Variants in TAF7L observed in about 807,000 individuals in gnomAD.
TAF7L encodes TATA-box binding protein associated factor 7 like.
TAF7L carries 6 observed loss-of-function variants against 30.2 expected under a neutral mutation model. The ratio of observed to expected loss-of-function variants is 0.20; its 90% CI spans 0.11 to 0.39. TAF7L has a LOEUF of 0.39. Ranked by LOEUF, TAF7L falls within the 10% of genes least tolerant of loss-of-function variation. The pLI is 1.00. For synonymous variants in TAF7L, 93 were observed against 94.5 expected, an observed-to-expected ratio of 0.98 and a Z score of 0.09; for missense variants, 284 against 277.1, an observed-to-expected ratio of 1.03 and a Z score of -0.18.
At chrX:101,285,540 C>T (rs1386034497) in intron 3 of TAF7L, among the ~76,000 whole-genome samples, 1 of 103,970 alleles carries the variant, frequency 9.6e-6, no homozygotes, top group East Asian at 3.0e-4. Flanking sequence ...ATTTACATTA[C>T]CACCAATAGG....
chrX:101,285,280 G>T (rs1471362953), intron 3 of TAF7L, among the ~76,000 whole-genome samples: 3 of 110,182 alleles, frequency 2.7e-5, no homozygotes, highest in African/African-American at 9.9e-5. Flanking sequence ...TGGATCACTC[G>T]AGGTCAGGAG....
chrX:101,281,927 C>T, intron 5 of TAF7L, 152 bp from the exon 6 acceptor site: 1 of 507,435 alleles, frequency 2.0e-6, no homozygotes, highest in Non-Finnish European at 3.2e-6. Context: ...ACTCTGTTGC[C>T]CAGGCTGGAG....
chrX:101,292,885 C>T (rs765366825), upstream of TAF7L: 4 of 1,211,330 alleles, frequency 3.3e-6, no homozygotes, highest in South Asian at 3.5e-5. Context: ...AATCTGGGTG[C>T]CTTCGTCGCC....
chrX:101,280,127 T>C (rs73556834), intron 6 of TAF7L, among the ~76,000 whole-genome samples: 1 of 109,349 alleles, frequency 9.1e-6, no homozygotes, highest in African/African-American at 3.3e-5. Flanking sequence ...AAAAGCAAGA[T>C]CGTTTTCAAA....
At chrX:101,290,348 T>C (rs1924754090) in intron 1 of TAF7L, among the ~76,000 whole-genome samples, 1 of 112,007 alleles carries the variant, frequency 8.9e-6, no homozygotes, top group African/African-American at 3.2e-5. Flanking sequence ...CATATATAAA[T>C]ACAAAAGAGA....
In TAF7L at chrX:101,268,338, A is replaced by G. The variant is rs1265114777; in HGVS notation, c.*855T>C. 3.6e-5 allele frequency: 4 copies of G among 112,265 alleles called. No individual in the cohort carries two copies. The highest frequency in any genetic ancestry group is 5.6e-5 in the Non-Finnish European group (3 of 53,307). The allele number at this position is 112,265 out of a possible 1,213,427, so 9.3% of individuals were successfully genotyped here. A position where few individuals can be genotyped will look rare whatever the true frequency, so the allele number is the denominator to read the frequency against. On this transcript the variant is annotated 3_prime_UTR_variant, in exon 13 of 13. Coordinates refer to ENST00000356784, the MANE Select transcript of TAF7L (RefSeq NM_001168474.2). ...ATATACCTAGAAAAAAACCCAAACAAGATTGTTAAAGAAGTCTTCATAGGC... is the reference window on the plus strand; with the variant it reads ...ATATACCTAGAAAAAAACCCAAACAGGATTGTTAAAGAAGTCTTCATAGGC...
chrX:101,287,299 A>C (rs990647359), intron 2 of TAF7L, among the ~76,000 whole-genome samples, 179 bp downstream of exon 2: 6 of 111,375 alleles, frequency 5.4e-5, no homozygotes, highest in African/African-American at 2.0e-4. Flanking sequence ...AGGAGGAAAA[A>C]ATGCTGCCAA....
At chrX:101,292,781 A>C (rs764522727), upstream of TAF7L, 13 of 1,198,056 alleles carry the variant, frequency 1.1e-5, no homozygotes, top group South Asian at 2.2e-4. Flanking sequence ...AGCTTAAAAA[A>C]CCACCTACCT....
At chrX:101,274,485 G>A (rs186231994) in intron 12 of TAF7L, among the ~76,000 whole-genome samples, 1 of 111,492 alleles carries the variant, frequency 9.0e-6, no homozygotes, top group African/African-American at 3.3e-5. Context: ...GGGGTTACAT[G>A]CATGAGCCAC....
At chrX:101,284,936 A>G (rs989872525) in intron 3 of TAF7L, among the ~76,000 whole-genome samples, 10 of 111,423 alleles carry the variant, frequency 9.0e-5, no homozygotes, top group Non-Finnish European at 1.9e-4. Context: ...AGATTCATCC[A>G]TGGTGTCCCA....
In TAF7L at chrX:101,269,145, A is replaced by G. The variant is rs758339745; in HGVS notation, c.*48T>C. 7.9e-6 allele frequency: 9 copies of G among 1,136,653 alleles called. No homozygotes were observed. Among genetic ancestry groups the G allele is most frequent in the Non-Finnish European group, 8.4e-6 (7 of 832,131 alleles). 93.7% of individuals were successfully genotyped at this position (1,136,653 alleles called of 1,213,427 possible). A position where few individuals can be genotyped will look rare whatever the true frequency, so the allele number is the denominator to read the frequency against. On this transcript the variant is annotated 3_prime_UTR_variant, in exon 13 of 13. Transcript: ENST00000356784. ...ACGTGCACAGTTTCATCCAATCTGCAGTCTGGATGGTGAATCCAAGGTTTG... is the reference window on the plus strand; with the variant it reads ...ACGTGCACAGTTTCATCCAATCTGCGGTCTGGATGGTGAATCCAAGGTTTG...
At chrX:101,273,748 C>T (rs1924060577) in intron 12 of TAF7L, among the ~76,000 whole-genome samples, 1 of 111,610 alleles carries the variant, frequency 9.0e-6, no homozygotes, top group South Asian at 3.7e-4. Context: ...AAGCCATTCT[C>T]TTCCTGGCTT....
intron 3 of TAF7L, among the ~76,000 whole-genome samples, chrX:101,285,521 G>T (rs1185684087): frequency 6.8e-5 from 7 of 102,981 alleles, no homozygotes; most frequent in Non-Finnish European, 1.4e-4. Context: ...AAAAAAAAAG[G>T]CTGTATTAAT....
At chrX:101,275,046 A>G (rs899413130) in intron 12 of TAF7L, among the ~76,000 whole-genome samples, 176 bp downstream of exon 12, 2 of 111,589 alleles carry the variant, frequency 1.8e-5, no homozygotes, top group African/African-American at 6.5e-5. Context: ...TAGGCATTCA[A>G]TATCTGTTGA....
At position 101,277,631 on chromosome X, in the gene TAF7L, G is replaced by C; in HGVS notation, c.666C>G (p.Ser222Arg). ...PGFLISSGMS[S>R]HKQGHTSSEY... ...CTGACGAGGTATGACCCTGCTTGTG[G>C]CTGCTCATTCCCGAGGATATCAAAA... Residue 222 changes from serine to arginine, a missense_variant, in exon 9 of 13, where the codon AGC (serine) becomes AGG (arginine). Ser to Arg is a moderately radical substitution (Grantham distance 110). Coordinates refer to ENST00000356784, the MANE Select transcript of TAF7L (RefSeq NM_001168474.2). 1.7e-6 allele frequency: 2 copies of C among 1,196,571 alleles called. No homozygotes were observed. The highest frequency in any genetic ancestry group is 4.6e-5 in the Admixed American group (2 of 43,443).
intron 8 of TAF7L, 140 bp downstream of exon 8, chrX:101,277,909 A>T: frequency 1.7e-6 from 1 of 574,633 alleles, no homozygotes; most frequent in Non-Finnish European, 2.8e-6. Context: ...ACATGAATTT[A>T]CTGTTCCTAG....
intron 6 of TAF7L, among the ~76,000 whole-genome samples, chrX:101,279,524 G>A (rs1435126807): frequency 3.6e-5 from 4 of 111,306 alleles, no homozygotes; most frequent in African/African-American, 9.8e-5. Context: ...GGGAGGCTGA[G>A]GCATGAGAGT....
intron 8 of TAF7L, 54 bp from the exon 9 acceptor site, chrX:101,277,773 T>C: frequency 1.1e-6 from 1 of 894,794 alleles, no homozygotes; most frequent in East Asian, 3.1e-5. Flanking sequence ...AAGGCACAGC[T>C]GAAAGGGAAG....
rs35984328 is a variant in TAF7L, at chrX:101,277,151, C to CAAAA, written c.691+451_691+454dup. Among the ~76,000 whole-genome samples the CAAAA allele has an allele frequency of 1.4e-3, 23 of 16,023 alleles. 1 individual carries two copies. The highest frequency in any genetic ancestry group is 5.6e-3 in the African/African-American group (20 of 3,549). 13.9% of individuals were successfully genotyped at this position (16,023 alleles called of 115,157 possible). A position where few individuals can be genotyped will look rare whatever the true frequency, so the allele number is the denominator to read the frequency against. ...TGGGCGACAGAGCGAGACTCTGTCT[C>CAAAA]AAAAAAAAAAAAAAAAAAAAAAAAA... On this transcript the variant is annotated intron_variant, in intron 9 of 12. Coordinates refer to ENST00000356784, the MANE Select transcript of TAF7L (RefSeq NM_001168474.2).
Sources: allele counts gnomAD v4.1 joint callset (sites outside exome capture counted in the v4.1 genomes callset), GRCh38; gene constraint gnomAD v4.1.1; transcripts MANE v1.5; gene names NCBI Gene and HGNC (gene_info 2026-07-23, HGNC 2026-07-21).